Variants in CATSPER3 observed in about 807,000 individuals in gnomAD.
The protein encoded by CATSPER3 is cation channel sperm associated 3.
In CATSPER3, 23 loss-of-function variants were observed where a neutral mutation model predicts 36.6. The observed-to-expected ratio is 0.63, with a 90% confidence interval of 0.45 to 0.89. The LOEUF (loss-of-function observed/expected upper bound fraction) is 0.89, where lower values mean the gene tolerates loss of function less well. Among genes scored for constraint, CATSPER3 ranks in the 40% least tolerant of loss-of-function variants. The pLI is 0.00. For synonymous variants in CATSPER3, 172 were observed against 184.1 expected, an observed-to-expected ratio of 0.93 and a Z score of 0.53; for missense variants, 474 against 503.9, an observed-to-expected ratio of 0.94 and a Z score of 0.57.
chr5:135,010,314 C>T (rs763393845), intron 6 of CATSPER3, 59 bp from the exon 7 acceptor site: 21 of 1,464,558 alleles, frequency 1.4e-5, no homozygotes, highest in Non-Finnish European at 2.0e-5. Flanking sequence ...CTCCATGTCT[C>T]TGTGCAGCTC....
chr5:135,011,534 T>A lies in CATSPER3; in HGVS notation c.1108T>A (p.Tyr370Asn), dbSNP rs976727719. 1.9e-6 allele frequency: 3 copies of A among 1,613,402 alleles called. No individual in the cohort carries two copies. The African/African-American group carries it at 4.0e-5, about 22-fold the overall frequency. ...TCCATTTTTCAGGCTTCAAGAGCTG[T>A]ACTATGAGATCGTGCATGTGCTGAG... The part of the protein sequence containing the change: ...DTTVHKLQEL[Y>N]YEIVHVLSLM... Residue 370 changes from tyrosine (Y) to asparagine (N), a missense_variant, in exon 8 of 8, where the codon TAC (tyrosine) becomes AAC (asparagine). Physicochemically the swap from Tyr to Asn is moderately radical, Grantham distance 143. Transcript: ENST00000282611.
chr5:134,972,114 C>T (rs930993794), intron 2 of CATSPER3, among the ~76,000 whole-genome samples: 10 of 152,114 alleles, frequency 6.6e-5, no homozygotes, highest in African/African-American at 1.7e-4. Context: ...CTGAGCATCC[C>T]GAATTTGAAA....
In CATSPER3 at chr5:135,008,910, A is replaced by G. The variant is rs368831680; in HGVS notation, c.745A>G (p.Ile249Val). The G allele has an allele frequency of 3.7e-6, 6 of 1,613,786 alleles. No individual in the cohort carries two copies. The African/African-American group carries it at 6.7e-5, about 18-fold the overall frequency. Residue 249 changes from isoleucine to valine, a missense_variant, in exon 5 of 8, where the codon ATC (isoleucine) becomes GTC (valine). Physicochemically the swap from Ile to Val is conservative, Grantham distance 29 (BLOSUM62 3). Transcript: ENST00000282611. ...ATTTGCTTTGAGCCGGGCATTCACC[A>G]TCATCTTCATCTTGCTCGCCTCTTT... ...REFALSRAFT[I>V]IFILLASFIF...
Position 135,011,393 on chromosome 5 carries a change from G to A in CATSPER3, c.1095-128G>A. On this transcript the variant is annotated intron_variant, in intron 7 of 7. Transcript: ENST00000282611. ...CCAAGATTCCAACCCAGCCTCATCTGGCTCTGAAGTCCTTGCTCTTCTTTG... is the reference window on the plus strand; with the variant it reads ...CCAAGATTCCAACCCAGCCTCATCTAGCTCTGAAGTCCTTGCTCTTCTTTG... 4 of 736,832 alleles carry A rather than the reference G, an allele frequency of 5.4e-6. No homozygotes were observed. In the Admixed American group the frequency reaches 8.1e-5, roughly 15 times the overall value. 45.6% of individuals were successfully genotyped at this position (736,832 alleles called of 1,614,324 possible). A position where few individuals can be genotyped will look rare whatever the true frequency, so the allele number is the denominator to read the frequency against.
At chr5:134,994,223 T>C (rs1291236624) in intron 2 of CATSPER3, among the ~76,000 whole-genome samples, 2 of 152,186 alleles carry the variant, frequency 1.3e-5, no homozygotes, top group Non-Finnish European at 2.9e-5. Context: ...GGATTCAAAA[T>C]GTATAAAGAT....
At chr5:134,982,824 C>G (rs796300130) in intron 2 of CATSPER3, among the ~76,000 whole-genome samples, 16 of 152,200 alleles carry the variant, frequency 1.1e-4, no homozygotes, top group African/African-American at 3.9e-4. Flanking sequence ...ATTTGTAACT[C>G]TTTTTAAAAA....
rs900165457 is a variant in CATSPER3, at chr5:134,974,352, T to C, written c.252+4260T>C. 7.9e-5 allele frequency among the ~76,000 whole-genome samples: 12 copies of C among 152,308 alleles called. 3 individuals are homozygous for C. The highest frequency in any genetic ancestry group is 7.8e-4 in the Admixed American group (12 of 15,304). On this transcript the variant is annotated intron_variant, in intron 2 of 7. Transcript: ENST00000282611. ...ATTTATAAAATGGCAAGACGACTTA[T>C]TAGTTCTAGGGATGGATGCATGAAT...
chr5:134,993,147 C>T (rs1173368353), intron 2 of CATSPER3, among the ~76,000 whole-genome samples: 4 of 152,114 alleles, frequency 2.6e-5, no homozygotes, highest in African/African-American at 2.4e-5. Context: ...TTCTATTCCA[C>T]GTGCTACAAC....
chr5:135,000,156 G>A (rs299367), intron 3 of CATSPER3, among the ~76,000 whole-genome samples: 139,295 of 152,246 alleles, frequency 0.91, 63,872 homozygotes, highest in East Asian at 1. Context: ...TTCTACATCT[G>A]TTGAGATAAT....
intron 2 of CATSPER3, among the ~76,000 whole-genome samples, chr5:134,992,392 T>G (rs1751889255): frequency 6.6e-6 from 1 of 151,898 alleles, no homozygotes; most frequent in South Asian, 2.1e-4. Context: ...CACAATGAGA[T>G]ACAATTTCAC....
At chr5:134,982,626 TAA>T (rs963027567) in intron 2 of CATSPER3, among the ~76,000 whole-genome samples, 16 of 152,104 alleles carry the variant, frequency 1.1e-4, no homozygotes, top group African/African-American at 3.9e-4. Context: ...GAAGGGGAAA[TAA>T]AGACTTCCAG....
chr5:134,975,280 C>T (rs565114893), intron 2 of CATSPER3: 1 of 152,030 alleles, frequency 6.6e-6, no homozygotes, highest in South Asian at 2.1e-4. Flanking sequence ...CTCTGGCTAA[C>T]CTTGAGGCTC....
intron 2 of CATSPER3, among the ~76,000 whole-genome samples, chr5:134,976,652 C>G (rs541107889): frequency 6.6e-6 from 1 of 152,378 alleles, no homozygotes; most frequent in African/African-American, 2.4e-5. Flanking sequence ...TGTGGGGGCT[C>G]TAGCCCCAAA....
chr5:135,009,802 C>T (rs992773131), intron 6 of CATSPER3, among the ~76,000 whole-genome samples: 3 of 152,344 alleles, frequency 2.0e-5, no homozygotes, highest in Middle Eastern at 3.4e-3. Flanking sequence ...CTTGGGGACT[C>T]ACTGGATGCC....
At chr5:135,004,100 A>G (rs1301381899) in intron 3 of CATSPER3, among the ~76,000 whole-genome samples, 1 of 152,190 alleles carries the variant, frequency 6.6e-6, no homozygotes. Context: ...CTCCTCCAGT[A>G]TTTCGTCTTT....
chr5:134,968,417 G>T (rs1032778533), intron 1 of CATSPER3: 6 of 338,592 alleles, frequency 1.8e-5, no homozygotes, highest in Non-Finnish European at 3.4e-5. Flanking sequence ...CATTCTGGCT[G>T]GGCACGGTGG....
chr5:135,009,801 T>G (rs1752155806), intron 6 of CATSPER3, among the ~76,000 whole-genome samples: 1 of 152,210 alleles, frequency 6.6e-6, no homozygotes, highest in African/African-American at 2.4e-5. Flanking sequence ...TCTTGGGGAC[T>G]CACTGGATGC....
chr5:134,987,791 A>G (rs1483483484), intron 2 of CATSPER3, among the ~76,000 whole-genome samples: 1 of 152,202 alleles, frequency 6.6e-6, no homozygotes, highest in East Asian at 1.9e-4. Flanking sequence ...ATAGAAAGGA[A>G]ATTCCTTAAC....
chr5:134,972,036 A>C (rs1181451377), intron 2 of CATSPER3, among the ~76,000 whole-genome samples: 1 of 152,214 alleles, frequency 6.6e-6, no homozygotes, highest in Non-Finnish European at 1.5e-5. Flanking sequence ...AAGGGTTGAG[A>C]TAAAGTCTCA....
Sources: gnomAD v4.1 joint callset for allele counts (sites outside exome capture counted in the v4.1 genomes callset) on GRCh38, gnomAD v4.1.1 for gene constraint, MANE v1.5 for transcripts, NCBI Gene and HGNC (gene_info 2026-07-23, HGNC 2026-07-21) for gene names.